NTMT1: variants seen among roughly 807,000 people sequenced by gnomAD.
NTMT1 encodes N-terminal Xaa-Pro-Lys N-methyltransferase 1.
Under a neutral mutation model 17.5 loss-of-function variants are expected in NTMT1, and 8 were observed. The observed-to-expected ratio is 0.46, with a 90% CI of 0.27 to 0.82. NTMT1 has a LOEUF of 0.82. Ranked by LOEUF, NTMT1 falls within the 40% of genes least tolerant of loss-of-function variation. NTMT1 has a pLI of 0.15. For missense variants in NTMT1, 221 were observed against 303.5 expected, an observed-to-expected ratio of 0.73 and a Z score of 2.02; for synonymous variants, 128 against 126.8, an observed-to-expected ratio of 1.01 and a Z score of -0.06.
In NTMT1 at chr9:129,629,833, C is replaced by T. The variant is rs367659163; in HGVS notation, c.-54-2817C>T. Among the ~76,000 whole-genome samples the T allele has an allele frequency of 2.0e-4, 31 of 152,270 alleles. No individual in the cohort carries two copies. In the South Asian group the frequency reaches 5.6e-3, roughly 27 times the overall value. ...TGAAGAGGGAAGCCAGGTGCAGTGGCGTGCGCCTGTAATCTCAGCTACTTG... is the reference window on the plus strand; with the variant it reads ...TGAAGAGGGAAGCCAGGTGCAGTGGTGTGCGCCTGTAATCTCAGCTACTTG... On this transcript the variant is annotated intron_variant, in intron 1 of 3. Transcript: ENST00000372483.
At chr9:129,632,943 T>C in intron 2 of NTMT1, 78 bp downstream of exon 2, 1 of 1,494,564 alleles carries the variant, frequency 6.7e-7, no homozygotes, top group Non-Finnish European at 9.2e-7. Context: ...GTGCCACCTT[T>C]TACACATGTA....
chr9:129,632,491 G>C (rs1181022389), intron 1 of NTMT1, among the ~76,000 whole-genome samples, 159 bp from the exon 2 acceptor site: 2 of 152,368 alleles, frequency 1.3e-5, no homozygotes, highest in Admixed American at 6.5e-5. Flanking sequence ...AGAAGATGCT[G>C]TTATCCAAGG....
intron 1 of NTMT1, among the ~76,000 whole-genome samples, chr9:129,616,347 C>G (rs1484127221): frequency 6.6e-6 from 1 of 152,206 alleles, no homozygotes; most frequent in Non-Finnish European, 1.5e-5. Context: ...TCCCGAGTAG[C>G]TGGGACTACA....
chr9:129,613,213 G>T lies in NTMT1; in HGVS notation c.-55+4035G>T, dbSNP rs774385054. The stretch of plus-strand genomic sequence containing the variant: ...GAAGGGCAGGCTGCTGTTCATGGAG[G>T]TGTCCTCAGAAAGGTAGCCCTGTGT... On this transcript the variant is annotated intron_variant, in intron 1 of 3. Transcript: ENST00000372486. This position sits in a 1 kb window ranked among gnomAD's most constrained non-coding sequence, Gnocchi z 6.2. 2 of 1,613,246 alleles carry T rather than the reference G, an allele frequency of 1.2e-6. No individual in the cohort carries two copies. Among genetic ancestry groups the T allele is most frequent in the East Asian group, 4.5e-5 (2 of 44,862 alleles).
chr9:129,634,321 GC>G lies in NTMT1; in HGVS notation c.415+18del. ...GTGGGTGATAGGTGAGGGTTCCACCGCCCTTCCCTGCTCACCTGTATGTCTC... is the reference window on the plus strand; with the variant it reads ...GTGGGTGATAGGTGAGGGTTCCACCGCCTTCCCTGCTCACCTGTATGTCTC... On this transcript the variant is annotated intron_variant, in intron 3 of 3. Transcript: ENST00000372483. The G allele has an allele frequency of 6.3e-7, 1 of 1,577,498 alleles. No individual in the cohort carries two copies. Among genetic ancestry groups the G allele is most frequent in the Non-Finnish European group, 8.6e-7 (1 of 1,159,230 alleles).
rs762457236 is a variant in NTMT1 at position 129,635,466 on chromosome 9, C to T, written c.*2C>T. 2.5e-6 allele frequency: 4 copies of T among 1,603,010 alleles called. No homozygotes were observed. The African/African-American group carries it at 4.0e-5, about 16-fold the overall frequency. ...GTCTATAGCTTTGCCCTGAGATGAG[C>T]CGGGGCTGGCAGGAGAAACTGAGGA... On this transcript the variant is annotated 3_prime_UTR_variant, in exon 4 of 4. Coordinates refer to ENST00000372483, the MANE Select transcript of NTMT1 (RefSeq NM_014064.4).
chr9:129,633,184 G>C (rs1831277168), intron 2 of NTMT1: 1 of 433,020 alleles, frequency 2.3e-6, no homozygotes, highest in Admixed American at 4.1e-5. Flanking sequence ...ACGGGTGTTT[G>C]GACTGAGGGT....
At chr9:129,635,024 A>C (rs1831447491) in intron 3 of NTMT1, 184 bp from the exon 4 acceptor site, 1 of 689,804 alleles carries the variant, frequency 1.4e-6, no homozygotes, top group African/African-American at 1.8e-5. Flanking sequence ...CCTCTGAGCC[A>C]CAGTTTCCTA....
At chr9:129,612,519 G>T in intron 1 of NTMT1, 3 of 1,262,856 alleles carry the variant, frequency 2.4e-6, no homozygotes, top group Admixed American at 1.9e-5. Flanking sequence ...TGGGCTCCCA[G>T]TGGGATTCTG....
chr9:129,621,149 G>T (rs573561643), intron 1 of NTMT1, among the ~76,000 whole-genome samples: 10 of 152,328 alleles, frequency 6.6e-5, no homozygotes, highest in African/African-American at 2.4e-4. Context: ...AACTGTTACC[G>T]TCATTAGCGC....
At chr9:129,631,304 C>T (rs1208339816) in intron 1 of NTMT1, among the ~76,000 whole-genome samples, 1 of 152,228 alleles carries the variant, frequency 6.6e-6, no homozygotes, top group African/African-American at 2.4e-5. Flanking sequence ...GACTAGAGCT[C>T]TCTGAGGTCT....
Position 129,613,415 on chromosome 9 carries a change from C to A in NTMT1, c.-55+4237C>A, listed in dbSNP as rs758961345. 73 of 1,610,972 alleles carry A rather than the reference C, an allele frequency of 4.5e-5. No homozygotes were observed. Among genetic ancestry groups the A allele is most frequent in the Non-Finnish European group, 5.6e-5 (66 of 1,178,094 alleles). On this transcript the variant is annotated intron_variant, in intron 1 of 3. Transcript: ENST00000372486. This position sits in a 1 kb window ranked among gnomAD's most constrained non-coding sequence, Gnocchi z 6.2. ...CCCTGGCAATGTCCACGAGTCCCAT[C>A]CGCTTCCCTGGAGCCTCACAGGCCA...
At chr9:129,615,990 C>T (rs757654496) in intron 1 of NTMT1, among the ~76,000 whole-genome samples, 4 of 152,190 alleles carry the variant, frequency 2.6e-5, no homozygotes, top group Admixed American at 6.5e-5. Flanking sequence ...GAGCTGGCGC[C>T]CTCGCACGTA....
chr9:129,634,068 G>A lies in NTMT1; in HGVS notation c.177G>A (p.Lys59=), dbSNP rs149346642. The A allele has an allele frequency of 1.1e-4, 170 of 1,614,084 alleles. No individual in the cohort carries two copies. The East Asian group carries it at 3.7e-3, about 35-fold the overall frequency. Residue 59 remains lysine (K), a synonymous_variant, in exon 3 of 4, where the codon AAG becomes AAA. Coordinates refer to ENST00000372483, the MANE Select transcript of NTMT1 (RefSeq NM_014064.4). ...LQRFLREGPN[K]TGTSCALDCG... ...CTGCTTTTCAGGAAGGCCCGAACAA[G>A]ACAGGAACGTCCTGTGCCCTGGACT...
chr9:129,634,499 T>G, intron 3 of NTMT1, 193 bp downstream of exon 3: 1 of 530,246 alleles, frequency 1.9e-6, no homozygotes. Flanking sequence ...GGTAGATTTC[T>G]TCCTTCTAGG....
chr9:129,634,037 A>G lies in NTMT1; in HGVS notation c.163-17A>G. Reference sequence around the variant, plus strand: ...TGACAGGGTCCCTCTGATAGGTTATATGCCTCTGCTTTTCAGGAAGGCCCG... The same window carrying G: ...TGACAGGGTCCCTCTGATAGGTTATGTGCCTCTGCTTTTCAGGAAGGCCCG... On this transcript the variant is annotated splice_polypyrimidine_tract_variant and intron_variant, in intron 2 of 3. Coordinates refer to ENST00000372483, the MANE Select transcript of NTMT1 (RefSeq NM_014064.4). 1 of 1,611,988 alleles carries G rather than the reference A, an allele frequency of 6.2e-7. No individual in the cohort carries two copies. The highest frequency in any genetic ancestry group is 1.1e-5 in the South Asian group (1 of 90,946).
In NTMT1 at chr9:129,620,404, GC is replaced by G. The variant is rs1423916757; in HGVS notation, c.-55+11232del. 4.9e-6 allele frequency: 6 copies of G among 1,236,336 alleles called. No homozygotes were observed. The highest frequency in any genetic ancestry group is 3.7e-5 in the South Asian group (1 of 26,920). The allele number at this position is 1,236,336 out of a possible 1,614,324, so 76.6% of individuals were successfully genotyped here. On this transcript the variant is annotated intron_variant, in intron 1 of 3. Coordinates refer to the NTMT1 transcript ENST00000372486. The surrounding 1 kb of genome is among the most constrained non-coding windows in gnomAD (Gnocchi z 5.8). The stretch of plus-strand genomic sequence containing the variant: ...CCCCTTCCGGCCACCACGCGGCGCC[GC>G]CCCCCGGGATCCTCCAGTCCCCGGA...
At chr9:129,632,095 T>C (rs1831199976) in intron 1 of NTMT1, among the ~76,000 whole-genome samples, 1 of 152,166 alleles carries the variant, frequency 6.6e-6, no homozygotes, top group Non-Finnish European at 1.5e-5. Flanking sequence ...TTCTCTTTAT[T>C]GATCAGGGTT....
chr9:129,615,642 G>T lies in NTMT1; in HGVS notation c.-55+6464G>T, dbSNP rs529198199. The T allele has an allele frequency of 1.2e-5, 18 of 1,558,372 alleles. No homozygotes were observed. The African/African-American group carries it at 1.9e-4, about 17-fold the overall frequency. On this transcript the variant is annotated intron_variant, in intron 1 of 3. Coordinates refer to the NTMT1 transcript ENST00000372486. ...GAGCCTGGGGACCTGTGCACCGTGG[G>T]GCCTGCTGAGAGAGGGGAGAGGGGC...
Sources: allele counts gnomAD v4.1 joint callset (sites outside exome capture counted in the v4.1 genomes callset), GRCh38; gene constraint gnomAD v4.1.1; non-coding constraint Gnocchi (gnomAD v3.1); transcripts MANE v1.5; gene names NCBI Gene and HGNC (gene_info 2026-07-23, HGNC 2026-07-21).